Variants in KCNB2 observed in about 807,000 individuals in gnomAD.
The protein encoded by KCNB2 is delayed rectifier potassium channel protein.
Under a neutral mutation model 61.5 loss-of-function variants are expected in KCNB2, and 15 were observed. The ratio of observed to expected loss-of-function variants is 0.24; its 90% CI spans 0.16 to 0.38. The LOEUF (loss-of-function observed/expected upper bound fraction) is 0.38, where lower values mean the gene tolerates loss of function less well. KCNB2 is among the 10% of genes least tolerant of loss of function. The pLI is 1.00. For missense variants in KCNB2, 828 were observed against 1,125.2 expected (o/e 0.74, Z 3.78); for synonymous variants, 457 against 446.0 (o/e 1.02, Z -0.31).
chr8:72,585,580 C>T (rs936294586), intron 2 of KCNB2, among the ~76,000 whole-genome samples: 1 of 152,128 alleles, frequency 6.6e-6, no homozygotes, highest in African/African-American at 2.4e-5. Context: ...GTTACTCAGG[C>T]TGGTCTTGAA....
At position 72,848,376 on chromosome 8, in the gene KCNB2, A is replaced by G. The variant is rs565524323; in HGVS notation, c.580-87559A>G. ...CAGTGTTTTTAAAACTCTCTGGTGAAGGAACAGTTTCTACTTTTTTCTTTG... is the reference window on the plus strand; with the variant it reads ...CAGTGTTTTTAAAACTCTCTGGTGAGGGAACAGTTTCTACTTTTTTCTTTG... On this transcript the variant is annotated intron_variant, in intron 2 of 2. Transcript: ENST00000523207. Among the ~76,000 whole-genome samples, 6 of 152,302 alleles carry G rather than the reference A, an allele frequency of 3.9e-5. No homozygotes were observed. In the East Asian group the frequency reaches 9.6e-4, roughly 24 times the overall value.
At chr8:72,603,042 T>C (rs1018486412) in intron 2 of KCNB2, among the ~76,000 whole-genome samples, 129 of 152,200 alleles carry the variant, frequency 8.5e-4, no homozygotes, top group African/African-American at 2.9e-3. Context: ...AGTGAAATTA[T>C]CATCTTGAGT....
Position 72,850,329 on chromosome 8 carries a change from C to T in KCNB2, c.580-85606C>T, listed in dbSNP as rs191061579. ...CCACCTCCCAGGTTCAAGCCATCTT[C>T]CCATATCAGCATCCCGAGTAACTGG... On this transcript the variant is annotated intron_variant, in intron 2 of 2. Coordinates refer to ENST00000523207, the MANE Select transcript of KCNB2 (RefSeq NM_004770.3). 4.1e-3 allele frequency among the ~76,000 whole-genome samples: 630 copies of T among 152,060 alleles called. 4 individuals carry two copies. Among genetic ancestry groups the T allele is most frequent in the Admixed American group, 9.6e-3 (146 of 15,260 alleles).
chr8:72,603,972 C>G (rs1255630255), intron 2 of KCNB2, among the ~76,000 whole-genome samples: 1 of 152,238 alleles, frequency 6.6e-6, no homozygotes, highest in Non-Finnish European at 1.5e-5. Context: ...TCCCCCCGAG[C>G]TTTCAGAGAA....
intron 2 of KCNB2, among the ~76,000 whole-genome samples, chr8:72,682,347 T>A (rs917897703): frequency 2.0e-5 from 3 of 152,106 alleles, no homozygotes; most frequent in Admixed American, 1.3e-4. Flanking sequence ...ATATTATTGA[T>A]TATACCATAC....
intron 2 of KCNB2, among the ~76,000 whole-genome samples, chr8:72,577,798 A>G (rs1806821864): frequency 6.6e-6 from 1 of 152,136 alleles, no homozygotes; most frequent in Non-Finnish European, 1.5e-5. Flanking sequence ...AGCATCCGTC[A>G]CTGCAACCAA....
At chr8:72,557,869 C>A (rs1806452542) in intron 1 of KCNB2, among the ~76,000 whole-genome samples, 1 of 152,126 alleles carries the variant, frequency 6.6e-6, no homozygotes, top group East Asian at 1.9e-4. Flanking sequence ...CTACCTAGTT[C>A]CAGGAAATCC....
intron 2 of KCNB2, among the ~76,000 whole-genome samples, chr8:72,931,560 G>A (rs955826883): frequency 1.3e-5 from 2 of 152,104 alleles, no homozygotes; most frequent in East Asian, 1.9e-4. Flanking sequence ...CTTTGAAGCA[G>A]TTGTGAATGG....
chr8:72,568,271 G>A lies in KCNB2; in HGVS notation c.537G>A (p.Leu179=). Residue 179 remains leucine, a synonymous_variant, in exon 2 of 3, where the codon CTG becomes CTA. Transcript: ENST00000523207. ...NTCCPDKRKK[L]WDLLEKPNSS... ...GCTGCCCTGATAAAAGGAAGAAACT[G>A]TGGGACTTGCTGGAGAAACCTAACT... is the stretch of plus-strand genomic sequence containing the variant. 6.2e-7 allele frequency: 1 copy of A among 1,613,052 alleles called. No individual in the cohort carries two copies. Among genetic ancestry groups the A allele is most frequent in the Non-Finnish European group, 8.5e-7 (1 of 1,179,764 alleles).
intron 2 of KCNB2, among the ~76,000 whole-genome samples, chr8:72,741,869 G>A (rs996591978): frequency 2.6e-5 from 4 of 152,170 alleles, no homozygotes; most frequent in Non-Finnish European, 5.9e-5. Flanking sequence ...GGTGAAAAGG[G>A]AACACTTTCT....
intron 1 of KCNB2, among the ~76,000 whole-genome samples, chr8:72,540,401 G>A (rs1806172074): frequency 6.6e-6 from 1 of 152,078 alleles, no homozygotes; most frequent in Admixed American, 6.5e-5. Context: ...GATTGATTTT[G>A]CATAAAATCG....
At chr8:72,921,491 G>A (rs1231973387) in intron 2 of KCNB2, among the ~76,000 whole-genome samples, 1 of 152,118 alleles carries the variant, frequency 6.6e-6, no homozygotes, top group Non-Finnish European at 1.5e-5. Flanking sequence ...TGTTTCGGAT[G>A]TAAACATGGG....
intron 2 of KCNB2, among the ~76,000 whole-genome samples, chr8:72,704,500 GGTGTGTGTGTGTGTGTGTGT>G (rs10524175): frequency 4.7e-5 from 7 of 147,648 alleles, no homozygotes; most frequent in African/African-American, 1.5e-4. Context: ...AGAGAAAGCT[GGTGTGTGTGTGTGTGTGTGT>G]GTGTGTGTGT....
intron 2 of KCNB2, among the ~76,000 whole-genome samples, chr8:72,843,845 G>T (rs1809938812): frequency 1.3e-5 from 2 of 152,088 alleles, no homozygotes; most frequent in African/African-American, 2.4e-5. Flanking sequence ...AACGTGAGAT[G>T]GGTCTCCTGA....
intron 2 of KCNB2, among the ~76,000 whole-genome samples, chr8:72,701,145 G>A (rs1364203495): frequency 1.3e-5 from 2 of 152,034 alleles, no homozygotes; most frequent in African/African-American, 2.4e-5. Context: ...CTGGGTGATG[G>A]CATCAGTCGT....
chr8:72,883,325 A>C (rs751584288), intron 2 of KCNB2, among the ~76,000 whole-genome samples: 5 of 152,216 alleles, frequency 3.3e-5, no homozygotes, highest in Non-Finnish European at 5.9e-5. Context: ...GCGTAACTAC[A>C]GTCTCTGCAG....
At chr8:72,558,869 G>T (rs1806468392) in intron 1 of KCNB2, among the ~76,000 whole-genome samples, 1 of 152,122 alleles carries the variant, frequency 6.6e-6, no homozygotes, top group Non-Finnish European at 1.5e-5. Flanking sequence ...GGATCGTCAG[G>T]GAGGTCAGGG....
intron 2 of KCNB2, among the ~76,000 whole-genome samples, chr8:72,604,188 C>T (rs935852247): frequency 6.6e-6 from 1 of 152,286 alleles, no homozygotes; most frequent in Non-Finnish European, 1.5e-5. Flanking sequence ...TAATAATCAA[C>T]CCTACTCCAT....
At chr8:72,662,496 GC>G (rs920009954) in intron 2 of KCNB2, among the ~76,000 whole-genome samples, 2 of 152,164 alleles carry the variant, frequency 1.3e-5, no homozygotes, top group African/African-American at 4.8e-5. Context: ...ATGGATGATG[GC>G]TGGGGGCTCC....
Sources: allele counts gnomAD v4.1 joint callset (sites outside exome capture counted in the v4.1 genomes callset), GRCh38; gene constraint gnomAD v4.1.1; transcripts MANE v1.5; gene names NCBI Gene and HGNC (gene_info 2026-07-23, HGNC 2026-07-21).